Variants in MDGA2 observed in about 807,000 individuals in gnomAD.
The protein encoded by MDGA2 is MAM domain containing glycosylphosphatidylinositol anchor 2.
Under a neutral mutation model 117.8 loss-of-function variants are expected in MDGA2, and 40 were observed. The observed-to-expected ratio is 0.34, with a 90% CI of 0.26 to 0.44. MDGA2 has a LOEUF of 0.44. Among genes scored for constraint, MDGA2 ranks in the 20% least tolerant of loss-of-function variants. The pLI is 1.00. For missense variants in MDGA2, 1,123 were observed against 1,250.6 expected (o/e 0.90, Z 1.54); for synonymous variants, 452 against 439.0 (o/e 1.03, Z -0.37).
chr14:46,953,183 G>A (rs1885430350), intron 9 of MDGA2, among the ~76,000 whole-genome samples: 1 of 151,480 alleles, frequency 6.6e-6, no homozygotes, highest in African/African-American at 2.4e-5. Context: ...AGTAAGTAGA[G>A]AGTAAATACT....
chr14:46,864,809 T>C (rs1041725313), intron 14 of MDGA2, among the ~76,000 whole-genome samples: 1 of 151,982 alleles, frequency 6.6e-6, no homozygotes, highest in Non-Finnish European at 1.5e-5. Context: ...AATATCTAAA[T>C]GGAGAACACT....
chr14:47,418,279 T>C (rs1488002883), intron 1 of MDGA2, among the ~76,000 whole-genome samples: 1 of 152,014 alleles, frequency 6.6e-6, no homozygotes, highest in Admixed American at 6.5e-5. Context: ...GCACATGGGG[T>C]TTCACCATGG....
chr14:47,337,091 T>C (rs1890482474), intron 1 of MDGA2, among the ~76,000 whole-genome samples: 1 of 152,094 alleles, frequency 6.6e-6, no homozygotes, highest in Admixed American at 6.6e-5. Context: ...TCAAATCTGA[T>C]TCCACTTACA....
intron 9 of MDGA2, among the ~76,000 whole-genome samples, chr14:46,954,320 T>G (rs555199459): frequency 7.2e-5 from 11 of 152,104 alleles, no homozygotes; most frequent in Non-Finnish European, 1.6e-4. Flanking sequence ...CTCGTATAAT[T>G]TTTAACAGCA....
chr14:47,184,685 A>C (rs1329749676), intron 3 of MDGA2, among the ~76,000 whole-genome samples: 1 of 151,812 alleles, frequency 6.6e-6, no homozygotes, highest in Admixed American at 6.6e-5. Context: ...ATTGTTTTAC[A>C]AAAGTAGAGC....
chr14:46,853,272 A>G (rs1881133990), intron 15 of MDGA2, among the ~76,000 whole-genome samples: 1 of 151,930 alleles, frequency 6.6e-6, no homozygotes. Flanking sequence ...TTAAACATAA[A>G]TAGAAAAAAA....
At chr14:47,476,461 T>A (rs1893840140) in intron 1 of MDGA2, among the ~76,000 whole-genome samples, 1 of 152,146 alleles carries the variant, frequency 6.6e-6, no homozygotes, top group Admixed American at 6.6e-5. Flanking sequence ...AATATATTTG[T>A]TAATCAAATA....
Position 46,927,616 on chromosome 14 carries a change from T to C in MDGA2, c.2090-7456A>G, listed in dbSNP as rs547199317. Among the ~76,000 whole-genome samples the C allele has an allele frequency of 1.2e-4, 19 of 152,290 alleles. 1 individual carries two copies. Among genetic ancestry groups the C allele is most frequent in the Admixed American group, 1.2e-3 (18 of 15,280 alleles). Reference sequence around the variant, plus strand: ...ATGACAACATCTCTCAGTTGAAGATTCATTTTTAAAATGAATGCAAGATGT... The same window carrying C: ...ATGACAACATCTCTCAGTTGAAGATCCATTTTTAAAATGAATGCAAGATGT... On this transcript the variant is annotated intron_variant, in intron 9 of 16. Coordinates refer to ENST00000399232, the MANE Select transcript of MDGA2 (RefSeq NM_001113498.3).
intron 3 of MDGA2, among the ~76,000 whole-genome samples, chr14:47,162,061 T>G (rs1883663672): frequency 6.7e-6 from 1 of 148,366 alleles, no homozygotes; most frequent in Non-Finnish European, 1.5e-5. Flanking sequence ...TTCTCCTGAC[T>G]TAGCCTCCCA....
At chr14:47,343,048 A>T in intron 1 of MDGA2, 1 of 1,285,858 alleles carries the variant, frequency 7.8e-7, no homozygotes, top group Non-Finnish European at 1.0e-6. Context: ...CACTACCGTG[A>T]GTCCTGCGGC....
At chr14:47,152,796 C>T (rs766615430) in intron 3 of MDGA2, among the ~76,000 whole-genome samples, 3 of 151,954 alleles carry the variant, frequency 2.0e-5, no homozygotes, top group Non-Finnish European at 4.4e-5. Flanking sequence ...TAAAGGCTAC[C>T]TGAAAAGATG....
chr14:47,639,918 C>T (rs1395626598), intron 1 of MDGA2, among the ~76,000 whole-genome samples: 1 of 152,166 alleles, frequency 6.6e-6, no homozygotes, highest in Non-Finnish European at 1.5e-5. Context: ...GAAAAGGGGC[C>T]TTAACCTGCT....
chr14:47,014,107 C>T (rs992035213), intron 8 of MDGA2, among the ~76,000 whole-genome samples: 1 of 151,834 alleles, frequency 6.6e-6, no homozygotes, highest in Non-Finnish European at 1.5e-5. Flanking sequence ...CCTTGTATAT[C>T]TTTATCAGAG....
chr14:47,047,533 C>G (rs1889307170), intron 7 of MDGA2, among the ~76,000 whole-genome samples: 1 of 152,056 alleles, frequency 6.6e-6, no homozygotes, highest in Admixed American at 6.6e-5. Context: ...GTAGGCAAGT[C>G]TGCACCTTTC....
chr14:47,134,309 A>G (rs1435234888), intron 4 of MDGA2, among the ~76,000 whole-genome samples: 2 of 151,970 alleles, frequency 1.3e-5, no homozygotes, highest in Non-Finnish European at 2.9e-5. Flanking sequence ...GTAACTACCC[A>G]AGGTTTGCTT....
At position 46,864,777 on chromosome 14, in the gene MDGA2, C is replaced by T. The variant is rs183417009; in HGVS notation, c.2752+8656G>A. Among the ~76,000 whole-genome samples, 531 of 152,054 alleles carry T rather than the reference C, an allele frequency of 3.5e-3. 5 individuals are homozygous for T. The highest frequency in any genetic ancestry group is 0.012 in the African/African-American group (508 of 41,500). On this transcript the variant is annotated intron_variant, in intron 14 of 16. Coordinates refer to ENST00000399232, the MANE Select transcript of MDGA2 (RefSeq NM_001113498.3). ...TAATATCAACTATTATCAAACAGCT[C>T]ACAGTTTGGTAGTTATTCCCTAATA...
chr14:47,298,699 T>C (rs187524211), intron 2 of MDGA2, among the ~76,000 whole-genome samples: 2 of 150,564 alleles, frequency 1.3e-5, no homozygotes, highest in East Asian at 2.0e-4. Flanking sequence ...TTTTTTTTTT[T>C]TTTGAGACAG....
chr14:47,217,496 G>C (rs965452726), intron 3 of MDGA2, among the ~76,000 whole-genome samples: 1 of 151,894 alleles, frequency 6.6e-6, no homozygotes, highest in African/African-American at 2.4e-5. Flanking sequence ...TCCAGGGTTG[G>C]TGCTGATTAC....
At chr14:47,195,236 T>G (rs1241125566) in intron 3 of MDGA2, among the ~76,000 whole-genome samples, 1 of 152,062 alleles carries the variant, frequency 6.6e-6, no homozygotes, top group Non-Finnish European at 1.5e-5. Flanking sequence ...CCATCAAGGT[T>G]AGCAATAGTT....
Sources: gnomAD v4.1 joint callset for allele counts (sites outside exome capture counted in the v4.1 genomes callset) on GRCh38, gnomAD v4.1.1 for gene constraint, MANE v1.5 for transcripts, NCBI Gene and HGNC (gene_info 2026-07-23, HGNC 2026-07-21) for gene names.